The following CMSS1 variants were observed in gnomAD, a reference collection of about 807,000 sequenced individuals.
CMSS1 encodes cms1 ribosomal small subunit homolog.
Under a neutral mutation model 43.5 loss-of-function variants are expected in CMSS1, and 33 were observed. The ratio of observed to expected loss-of-function variants is 0.76; its 90% CI spans 0.57 to 1.01. The LOEUF (loss-of-function observed/expected upper bound fraction) is 1.01. CMSS1 is among the 50% of genes least tolerant of loss of function. The pLI, the probability that CMSS1 is intolerant of heterozygous loss-of-function variation, is 0.00. For missense variants in CMSS1, 313 were observed against 326.4 expected (o/e 0.96, Z 0.32); for synonymous variants, 115 against 117.2 (o/e 0.98, Z 0.12).
intron 1 of CMSS1, among the ~76,000 whole-genome samples, chr3:99,877,285 C>CAT (rs1705567745): frequency 6.6e-6 from 1 of 152,180 alleles, no homozygotes; most frequent in African/African-American, 2.4e-5. Context: ...TTATGATGTA[C>CAT]ATATGTCTGT....
intron 1 of CMSS1, among the ~76,000 whole-genome samples, chr3:99,905,167 T>A (rs776741310): frequency 2.2e-4 from 34 of 152,204 alleles, no homozygotes; most frequent in Admixed American, 1.3e-3. Context: ...AATGTAGGCA[T>A]TTGCCAGGAC....
intron 1 of CMSS1, among the ~76,000 whole-genome samples, chr3:100,093,554 A>C (rs2066150317): frequency 6.6e-6 from 1 of 152,174 alleles, no homozygotes; most frequent in African/African-American, 2.4e-5. Context: ...TTCCACATAC[A>C]CTTCAACCAG....
At chr3:100,096,511 A>C (rs1339876291) in intron 1 of CMSS1, among the ~76,000 whole-genome samples, 1 of 152,132 alleles carries the variant, frequency 6.6e-6, no homozygotes, top group Admixed American at 6.5e-5. Context: ...AGCCACGCAC[A>C]AAAAGACAAA....
intron 1 of CMSS1, among the ~76,000 whole-genome samples, chr3:99,894,482 T>G (rs1319936826): frequency 6.6e-6 from 1 of 152,228 alleles, no homozygotes; most frequent in Non-Finnish European, 1.5e-5. Flanking sequence ...TTTTTGATAC[T>G]TCTAAAGTCT....
At position 99,832,522 on chromosome 3, in the gene CMSS1, G is replaced by T. The variant is rs113806973; in HGVS notation, c.64+14479G>T. Reference sequence around the variant, plus strand: ...TGGGATTACAGGTGTGAGCCACTGCGCCCAGCCATTCCCAAATCTTTAAAA... The same window carrying T: ...TGGGATTACAGGTGTGAGCCACTGCTCCCAGCCATTCCCAAATCTTTAAAA... On this transcript the variant is annotated intron_variant, in intron 1 of 9. Transcript: ENST00000421999. Among the ~76,000 whole-genome samples the T allele has an allele frequency of 7.8e-5, 10 of 127,842 alleles. No individual in the cohort carries two copies. In the Admixed American group the frequency reaches 8.0e-4, roughly 10 times the overall value. The allele number at this position is 127,842 out of a possible 152,430, so 83.9% of individuals were successfully genotyped here. A position where few individuals can be genotyped will look rare whatever the true frequency, so the allele number is the denominator to read the frequency against.
At chr3:99,955,284 A>G (rs1000712308) in intron 1 of CMSS1, among the ~76,000 whole-genome samples, 6 of 152,238 alleles carry the variant, frequency 3.9e-5, no homozygotes, top group Non-Finnish European at 8.8e-5. Context: ...CTTAGTAAAG[A>G]CTTTGATTTT....
intron 1 of CMSS1, among the ~76,000 whole-genome samples, chr3:100,143,349 C>G (rs1481037486): frequency 6.6e-6 from 1 of 152,144 alleles, no homozygotes; most frequent in Non-Finnish European, 1.5e-5. Context: ...TGCCTTGTTC[C>G]CAGTCAGGAG....
intron 1 of CMSS1, among the ~76,000 whole-genome samples, chr3:100,017,710 A>T (rs1353884540): frequency 6.6e-6 from 1 of 151,206 alleles, no homozygotes; most frequent in African/African-American, 2.4e-5. Context: ...GGATCCCTTG[A>T]GCCCAGGAGT....
At chr3:100,065,717 C>G (rs560200686) in intron 1 of CMSS1, among the ~76,000 whole-genome samples, 108 of 152,276 alleles carry the variant, frequency 7.1e-4, no homozygotes, top group Non-Finnish European at 1.4e-3. Context: ...TCATCACCAC[C>G]TGTATTCTTG....
intron 1 of CMSS1, among the ~76,000 whole-genome samples, chr3:100,049,277 T>C (rs1232101656): frequency 1.3e-5 from 2 of 152,214 alleles, no homozygotes; most frequent in African/African-American, 4.8e-5. Context: ...TTTTTGAGGT[T>C]TGAGCATACT....
At chr3:100,118,982 T>G (rs1016809130) in intron 1 of CMSS1, among the ~76,000 whole-genome samples, 5 of 152,162 alleles carry the variant, frequency 3.3e-5, no homozygotes, top group Admixed American at 2.6e-4. Flanking sequence ...TGTTGTTGTT[T>G]TTTTTGTTTC....
chr3:100,167,862 A>G (rs894327581), intron 6 of CMSS1, 22 bp downstream of exon 6: 1 of 1,508,726 alleles, frequency 6.6e-7, no homozygotes, highest in Non-Finnish European at 9.2e-7. Context: ...CACCTATTCC[A>G]TATCATAAAT....
chr3:100,122,766 C>T (rs1307133832), intron 1 of CMSS1, among the ~76,000 whole-genome samples: 1 of 152,150 alleles, frequency 6.6e-6, no homozygotes, highest in Non-Finnish European at 1.5e-5. Context: ...ATCAGCTCTC[C>T]ATTCTCTCAG....
chr3:99,881,196 A>G (rs1308232528), intron 1 of CMSS1, among the ~76,000 whole-genome samples: 2 of 152,238 alleles, frequency 1.3e-5, no homozygotes, highest in African/African-American at 2.4e-5. Context: ...GGTAAGTAGA[A>G]TGACTTAGAA....
At chr3:99,850,526 C>G (rs776559519) in intron 1 of CMSS1, 3 of 1,613,316 alleles carry the variant, frequency 1.9e-6, no homozygotes, top group South Asian at 2.2e-5. Flanking sequence ...TCATCTTTCC[C>G]TTCCATATCT....
At chr3:99,901,936 A>G (rs1706451586) in intron 1 of CMSS1, among the ~76,000 whole-genome samples, 1 of 152,156 alleles carries the variant, frequency 6.6e-6, no homozygotes, top group African/African-American at 2.4e-5. Context: ...GGTACACAAA[A>G]TATGTGTTGC....
Position 100,172,310 on chromosome 3 carries a change from G to A in CMSS1, c.580-6G>A. The stretch of plus-strand genomic sequence containing the variant: ...CTTTTCTTTCTTCTCTTTCATCTTG[G>A]AACAGGTCCAGGCGCAGGTAAAGTT... On this transcript the variant is annotated splice_polypyrimidine_tract_variant and splice_region_variant and intron_variant, in intron 7 of 9. Coordinates refer to ENST00000421999, the MANE Select transcript of CMSS1 (RefSeq NM_032359.4). 1 of 1,612,964 alleles carries A rather than the reference G, an allele frequency of 6.2e-7. No individual in the cohort carries two copies. The highest frequency in any genetic ancestry group is 8.5e-7 in the Non-Finnish European group (1 of 1,179,234).
At chr3:99,929,875 T>C (rs1420180668) in intron 1 of CMSS1, 1 of 1,613,114 alleles carries the variant, frequency 6.2e-7, no homozygotes, top group Admixed American at 1.7e-5. Context: ...TGGTTTCTCA[T>C]AGATGTCCTC....
intron 1 of CMSS1, chr3:100,023,622 C>CTA (rs2064864871): frequency 6.6e-6 from 1 of 152,340 alleles, no homozygotes. Context: ...ATTATTTGCT[C>CTA]TAATAATGTA....
Sources: gnomAD v4.1 joint callset for allele counts (sites outside exome capture counted in the v4.1 genomes callset) on GRCh38, gnomAD v4.1.1 for gene constraint, MANE v1.5 for transcripts, NCBI Gene and HGNC (gene_info 2026-07-23, HGNC 2026-07-21) for gene names.